Variants in MALRD1 observed in about 807,000 individuals in gnomAD.
MALRD1 encodes MAM and LDL receptor class A domain containing 1, also known as MAM and LDL-receptor class A domain-containing protein 1.
MALRD1 carries 247 observed loss-of-function variants against 242.1 expected under a neutral mutation model. The ratio of observed to expected loss-of-function variants is 1.02; its 90% CI spans 0.92 to 1.13. MALRD1 has a LOEUF of 1.13. MALRD1 is among the 50% of genes most tolerant of loss of function. The probability of loss-of-function intolerance (pLI) is 0.00; values close to 1 mark genes in which losing one functional copy is unlikely to be tolerated. For synonymous variants in MALRD1, 995 were observed against 866.6 expected (o/e 1.15, Z -2.60); for missense variants, 2,989 against 2,533.1 (o/e 1.18, Z -3.86).
At chr10:19,472,134 G>C (rs958141291) in intron 29 of MALRD1, among the ~76,000 whole-genome samples, 4 of 152,076 alleles carry the variant, frequency 2.6e-5, no homozygotes, top group Middle Eastern at 6.8e-3. Context: ...TTTGTCAAAT[G>C]CTTTTTCTCC....
At chr10:19,492,431 T>C (rs1381634630) in intron 30 of MALRD1, among the ~76,000 whole-genome samples, 2 of 152,170 alleles carry the variant, frequency 1.3e-5, no homozygotes, top group Admixed American at 1.3e-4. Flanking sequence ...AGGGCTCTTC[T>C]GGGCAGTTTG....
chr10:19,522,940 T>A (rs7911194), intron 31 of MALRD1, among the ~76,000 whole-genome samples: 31,515 of 152,170 alleles, frequency 0.21, 5,051 homozygotes, highest in African/African-American at 0.46. Flanking sequence ...TGCTACCTTC[T>A]CTATAGTAGT....
At chr10:19,589,390 A>C (rs542104085) in intron 33 of MALRD1, among the ~76,000 whole-genome samples, 1 of 152,320 alleles carries the variant, frequency 6.6e-6, no homozygotes, top group South Asian at 2.1e-4. Flanking sequence ...GAGTAACTTT[A>C]TTGCTGGTAC....
At chr10:19,190,346 G>A (rs1043325629) in intron 14 of MALRD1, among the ~76,000 whole-genome samples, 2 of 152,036 alleles carry the variant, frequency 1.3e-5, no homozygotes, top group Admixed American at 6.6e-5. Flanking sequence ...TAGATCAGAA[G>A]ACGTAATATT....
intron 1 of MALRD1, among the ~76,000 whole-genome samples, chr10:19,058,193 G>A (rs779565316): frequency 3.9e-5 from 6 of 152,200 alleles, no homozygotes; most frequent in Non-Finnish European, 7.3e-5. Flanking sequence ...AGAGGACACA[G>A]AGCTGTTCCA....
At chr10:19,477,221 A>C (rs1338318987) in intron 29 of MALRD1, among the ~76,000 whole-genome samples, 1 of 152,182 alleles carries the variant, frequency 6.6e-6, no homozygotes, top group Non-Finnish European at 1.5e-5. Flanking sequence ...CTTTTATATG[A>C]CTTGTTATAG....
At chr10:19,612,790 C>A (rs1838960567) in intron 35 of MALRD1, among the ~76,000 whole-genome samples, 1 of 151,724 alleles carries the variant, frequency 6.6e-6, no homozygotes, top group South Asian at 2.1e-4. Context: ...TTCAAAAAAC[C>A]AGATCTCATG....
chr10:19,487,791 T>A (rs1370441002), intron 29 of MALRD1, among the ~76,000 whole-genome samples: 1 of 152,202 alleles, frequency 6.6e-6, no homozygotes, highest in East Asian at 1.9e-4. Flanking sequence ...TTAATGCCCA[T>A]AATTGGACCA....
At chr10:19,246,925 G>A (rs1213313389) in intron 18 of MALRD1, among the ~76,000 whole-genome samples, 2 of 152,024 alleles carry the variant, frequency 1.3e-5, no homozygotes, top group African/African-American at 4.8e-5. Flanking sequence ...ATATGAATGT[G>A]TGGCTCTATA....
intron 14 of MALRD1, among the ~76,000 whole-genome samples, chr10:19,190,863 A>C (rs879885998): frequency 5.3e-5 from 8 of 152,182 alleles, no homozygotes; most frequent in Non-Finnish European, 1.0e-4. Flanking sequence ...TTAGAAGAAA[A>C]TATAGGACAG....
At chr10:19,594,154 A>G (rs189903147) in intron 33 of MALRD1, among the ~76,000 whole-genome samples, 1 of 152,294 alleles carries the variant, frequency 6.6e-6, no homozygotes. Context: ...ATCTTTCCAA[A>G]GTTTTCAATT....
At chr10:19,203,955 A>G in intron 15 of MALRD1, 75 bp downstream of exon 15, 1 of 1,505,050 alleles carries the variant, frequency 6.6e-7, no homozygotes, top group Non-Finnish European at 9.0e-7. Flanking sequence ...AAGGAAAGCT[A>G]GTACGGTTCT....
rs558316298 is a variant in MALRD1, at chr10:19,177,942, C to A, written c.1951+2614C>A. 7.8e-4 allele frequency among the ~76,000 whole-genome samples: 119 copies of A among 152,150 alleles called. 1 individual carries two copies. The highest frequency in any genetic ancestry group is 2.8e-3 in the African/African-American group (115 of 41,496). Reference sequence around the variant, plus strand: ...AGCCAGATAATTTGTTTATGACCAGCGCTCACAAAGAAAGGTCAGGGAAGT... The same window carrying A: ...AGCCAGATAATTTGTTTATGACCAGAGCTCACAAAGAAAGGTCAGGGAAGT... On this transcript the variant is annotated intron_variant, in intron 14 of 39. Coordinates refer to ENST00000454679, the MANE Select transcript of MALRD1 (RefSeq NM_001142308.3).
At chr10:19,094,582 G>A (rs916753463) in intron 4 of MALRD1, among the ~76,000 whole-genome samples, 7 of 151,794 alleles carry the variant, frequency 4.6e-5, no homozygotes, top group African/African-American at 1.5e-4. Context: ...GCTGTAGACC[G>A]GAGCTGTTCC....
Position 19,167,706 on chromosome 10 carries a change from C to G in MALRD1, c.1830+1896C>G, listed in dbSNP as rs561776878. Among the ~76,000 whole-genome samples, 28 of 152,210 alleles carry G rather than the reference C, an allele frequency of 1.8e-4. 1 individual carries two copies. The highest frequency in any genetic ancestry group is 1.5e-5 in the Non-Finnish European group (1 of 68,014). On this transcript the variant is annotated intron_variant, in intron 13 of 39. Coordinates refer to ENST00000454679, the MANE Select transcript of MALRD1 (RefSeq NM_001142308.3). Reference sequence around the variant, plus strand: ...TATCAGTGTGCATGCCTCCTGAGGACAGGCTGGCTCCCAATAGTGGGTGTT... The same window carrying G: ...TATCAGTGTGCATGCCTCCTGAGGAGAGGCTGGCTCCCAATAGTGGGTGTT...
In MALRD1 at chr10:19,693,886, G is replaced by C. The variant is rs182796008; in HGVS notation, c.6314+1332G>C. Among the ~76,000 whole-genome samples the C allele has an allele frequency of 4.2e-3, 640 of 151,954 alleles. 9 individuals are homozygous for C. In the East Asian group the frequency reaches 0.053, roughly 13 times the overall value. ...CTGGTACCAAAACAGAGATATAGAC[G>C]AATGGAACAGAACAGAGCCCTCAGA... On this transcript the variant is annotated intron_variant, in intron 38 of 39. Coordinates refer to ENST00000454679, the MANE Select transcript of MALRD1 (RefSeq NM_001142308.3).
At chr10:19,418,274 C>T (rs577786937) in intron 28 of MALRD1, among the ~76,000 whole-genome samples, 2 of 151,752 alleles carry the variant, frequency 1.3e-5, no homozygotes, top group East Asian at 1.9e-4. Flanking sequence ...TTCCCCCCCA[C>T]GCCCCCAACA....
intron 4 of MALRD1, 46 bp downstream of exon 4, chr10:19,088,231 A>T: frequency 2.4e-6 from 3 of 1,226,618 alleles, no homozygotes; most frequent in Non-Finnish European, 3.1e-6. Flanking sequence ...GAAAAATAAG[A>T]TACAGATCTT....
At chr10:19,647,197 AG>A (rs969644955) in intron 36 of MALRD1, among the ~76,000 whole-genome samples, 3 of 152,226 alleles carry the variant, frequency 2.0e-5, no homozygotes, top group African/African-American at 4.8e-5. Flanking sequence ...ATCTGGAAAA[AG>A]TCACGCAAAT....
Sources: allele counts gnomAD v4.1 joint callset (sites outside exome capture counted in the v4.1 genomes callset), GRCh38; gene constraint gnomAD v4.1.1; transcripts MANE v1.5; gene names NCBI Gene and HGNC (gene_info 2026-07-23, HGNC 2026-07-21).